The following ERCC8 variants were observed in gnomAD, a reference collection of about 807,000 sequenced individuals.
The protein encoded by ERCC8 is DNA excision repair protein ERCC-8.
A neutral mutation model predicts 54.9 loss-of-function variants in ERCC8; 52 were observed. That is an observed-to-expected ratio of 0.95 (90% CI 0.76 to 1.19). The LOEUF is 1.19. Among genes scored for constraint, ERCC8 ranks in the 50% most tolerant of loss-of-function variants. The pLI is 0.00. For synonymous variants in ERCC8, 146 were observed against 157.2 expected (o/e 0.93, Z 0.53); for missense variants, 514 against 466.1 (o/e 1.10, Z -0.95).
intron 11 of ERCC8, among the ~76,000 whole-genome samples, chr5:60,880,947 TTA>T (rs1748198494): frequency 6.6e-6 from 1 of 152,188 alleles, no homozygotes; most frequent in South Asian, 2.1e-4. Context: ...GCTCTGACTT[TTA>T]GAGTTTCCAG....
intron 1 of ERCC8, among the ~76,000 whole-genome samples, chr5:60,930,900 G>A (rs920418198): frequency 1.2e-4 from 18 of 151,766 alleles, no homozygotes; most frequent in African/African-American, 3.6e-4. Context: ...TGAGGTCAGC[G>A]ATTCAAGATC....
chr5:60,911,792 T>G (rs1416871130), intron 4 of ERCC8, among the ~76,000 whole-genome samples: 1 of 152,112 alleles, frequency 6.6e-6, no homozygotes, highest in African/African-American at 2.4e-5. Context: ...AGGGATCCAG[T>G]TTCAGCTTTC....
intron 1 of ERCC8, among the ~76,000 whole-genome samples, chr5:60,938,072 T>TAC (rs1451790769): frequency 6.8e-4 from 25 of 36,822 alleles, no homozygotes; most frequent in Admixed American, 3.3e-4. Context: ...TATATATATA[T>TAC]ATATATATAT....
chr5:60,904,163 TGATATAC>T (rs1290428221), intron 5 of ERCC8, among the ~76,000 whole-genome samples: 18 of 152,078 alleles, frequency 1.2e-4, no homozygotes, highest in African/African-American at 3.4e-4. Flanking sequence ...TCCAAGTTAA[TGATATAC>T]TTCCAATCAC....
At chr5:60,906,013 C>G (rs1250291564) in intron 4 of ERCC8, among the ~76,000 whole-genome samples, 3 of 151,986 alleles carry the variant, frequency 2.0e-5, no homozygotes, top group African/African-American at 7.2e-5. Flanking sequence ...CCAGGTGGAG[C>G]CCCTGGTGTC....
At chr5:60,902,830 CAT>C (rs967918232) in intron 6 of ERCC8, among the ~76,000 whole-genome samples, 1 of 151,930 alleles carries the variant, frequency 6.6e-6, no homozygotes. Flanking sequence ...TGTAATAAAA[CAT>C]ATAAGATAAA....
rs75941815 is a variant in ERCC8 at position 60,897,083 on chromosome 5, C to A, written c.843+1193G>T. 3.9e-5 allele frequency among the ~76,000 whole-genome samples: 6 copies of A among 152,242 alleles called. No individual in the cohort carries two copies. The East Asian group carries it at 1.2e-3, about 29-fold the overall frequency. On this transcript the variant is annotated intron_variant, in intron 9 of 11. Coordinates refer to ENST00000676185, the MANE Select transcript of ERCC8 (RefSeq NM_000082.4). Reference sequence around the variant, plus strand: ...GCAAGAACCTCTTAGCTCTTCCTTGCGTATCCCAAGGAAGTTCTCGCCTCA... The same window carrying A: ...GCAAGAACCTCTTAGCTCTTCCTTGAGTATCCCAAGGAAGTTCTCGCCTCA...
At chr5:60,880,240 T>C (rs1236848884) in intron 11 of ERCC8, among the ~76,000 whole-genome samples, 1 of 152,250 alleles carries the variant, frequency 6.6e-6, no homozygotes, top group Non-Finnish European at 1.5e-5. Context: ...GATCTGCTGT[T>C]AGTCTGATGG....
intron 11 of ERCC8, among the ~76,000 whole-genome samples, chr5:60,880,019 A>G (rs1256088559): frequency 2.0e-5 from 3 of 151,988 alleles, no homozygotes; most frequent in Non-Finnish European, 4.4e-5. Flanking sequence ...GTTCCTTTCC[A>G]TGTTTAGTGC....
intron 4 of ERCC8, chr5:60,907,573 G>A (rs1246450236): frequency 2.6e-5 from 4 of 152,044 alleles, no homozygotes; most frequent in African/African-American, 9.7e-5. Flanking sequence ...GGCTGGTCTT[G>A]AGATTCCTCC....
Position 60,874,636 on chromosome 5 carries a change from G to A in ERCC8, c.1170C>T (p.Ser390=), listed in dbSNP as rs374154824. ...QLNPAFEDAW[S]SSDEEG is the part of the protein sequence containing the mutation. ...ATATTCATCCTTCTTCATCACTGCT[G>A]CTCCAGGCATCTTCAAAGGCCGGAT... The change falls in exon 12 of 12, where the codon AGC becomes AGT. Residue 390 remains serine, a synonymous_variant. Transcript: ENST00000676185. The A allele has an allele frequency of 4.7e-5, 76 of 1,612,870 alleles. No individual in the cohort carries two copies. The highest frequency in any genetic ancestry group is 6.2e-5 in the Non-Finnish European group (73 of 1,179,758).
intron 2 of ERCC8, among the ~76,000 whole-genome samples, chr5:60,927,381 T>C (rs766343468): frequency 2.4e-4 from 36 of 152,222 alleles, no homozygotes; most frequent in Admixed American, 1.6e-3. Flanking sequence ...CAAAAGGGGT[T>C]AATGCAAAAT....
intron 1 of ERCC8, among the ~76,000 whole-genome samples, chr5:60,939,951 A>C (rs1750208708): frequency 6.6e-6 from 1 of 152,010 alleles, no homozygotes; most frequent in African/African-American, 2.4e-5. Flanking sequence ...TGTCTTTTTT[A>C]TCAATCTTGT....
At chr5:60,938,060 TATATATATATATATATATATATATA>T (rs1750130417) in intron 1 of ERCC8, among the ~76,000 whole-genome samples, 11 of 18,190 alleles carry the variant, frequency 6.0e-4, no homozygotes, top group African/African-American at 2.0e-3. Flanking sequence ...TATATATATA[TATATATATATATATATATATATATA>T]TTTTATTTTT....
At chr5:60,924,826 T>C (rs1473325944) in intron 2 of ERCC8, among the ~76,000 whole-genome samples, 1 of 152,150 alleles carries the variant, frequency 6.6e-6, no homozygotes, top group African/African-American at 2.4e-5. Flanking sequence ...CTTTAAGTTT[T>C]AGTCAGTCTT....
At chr5:60,878,851 T>C (rs1748107430) in intron 11 of ERCC8, among the ~76,000 whole-genome samples, 1 of 152,210 alleles carries the variant, frequency 6.6e-6, no homozygotes, top group African/African-American at 2.4e-5. Flanking sequence ...TGAAGGGTTT[T>C]TTGTGTCTCT....
At chr5:60,944,854 G>GA in intron 1 of ERCC8, 78 bp downstream of exon 1, 1 of 1,067,074 alleles carries the variant, frequency 9.4e-7, no homozygotes, top group Non-Finnish European at 1.5e-6. Context: ...GATGAGACGG[G>GA]AAAGTGTGGG....
chr5:60,915,031 C>G (rs1749390664), intron 4 of ERCC8, among the ~76,000 whole-genome samples: 1 of 151,946 alleles, frequency 6.6e-6, no homozygotes, highest in Non-Finnish European at 1.5e-5. Flanking sequence ...GTAAGAGACA[C>G]TGGCTTGTAA....
chr5:60,878,449 C>G (rs1016408377), intron 11 of ERCC8, among the ~76,000 whole-genome samples: 9 of 152,166 alleles, frequency 5.9e-5, no homozygotes, highest in African/African-American at 2.2e-4. Context: ...AGGAATGGTA[C>G]CAGCTCCTCC....
Sources: gnomAD v4.1 joint callset for allele counts (sites outside exome capture counted in the v4.1 genomes callset) on GRCh38, gnomAD v4.1.1 for gene constraint, MANE v1.5 for transcripts, NCBI Gene and HGNC (gene_info 2026-07-23, HGNC 2026-07-21) for gene names.